CHRDL1: variants seen among roughly 807,000 people sequenced by gnomAD.
CHRDL1 encodes the protein chordin like 1.
A neutral mutation model predicts 40.9 loss-of-function variants in CHRDL1; 19 were observed. The observed-to-expected ratio is 0.46, with a 90% CI of 0.32 to 0.68. CHRDL1 has a LOEUF of 0.68. Ranked by LOEUF, CHRDL1 falls within the 30% of genes least tolerant of loss-of-function variation. The pLI, the probability that CHRDL1 is intolerant of heterozygous loss-of-function variation, is 0.03. For missense variants in CHRDL1, 329 were observed against 352.1 expected, an observed-to-expected ratio of 0.93 and a Z score of 0.53; for synonymous variants, 136 against 123.4, an observed-to-expected ratio of 1.10 and a Z score of -0.68.
chrX:110,766,179 C>T (rs1267445037), intron 2 of CHRDL1, among the ~76,000 whole-genome samples: 2 of 111,513 alleles, frequency 1.8e-5, no homozygotes, highest in African/African-American at 3.3e-5. Context: ...TTATCAAAAT[C>T]TCTGGGATAA....
chrX:110,780,164 T>C (rs1030101367), intron 2 of CHRDL1, among the ~76,000 whole-genome samples: 2 of 110,886 alleles, frequency 1.8e-5, no homozygotes, highest in African/African-American at 6.5e-5. Flanking sequence ...CCAATATGTA[T>C]ACCTTTTATT....
At chrX:110,759,064 C>T (rs2089511773) in intron 4 of CHRDL1, among the ~76,000 whole-genome samples, 2 of 111,773 alleles carry the variant, frequency 1.8e-5, no homozygotes, top group Admixed American at 9.5e-5. Flanking sequence ...AGACAAATAC[C>T]GTAGCTGCAA....
chrX:110,741,263 T>A (rs989655791), intron 4 of CHRDL1, among the ~76,000 whole-genome samples: 24 of 111,909 alleles, frequency 2.1e-4, no homozygotes, highest in Admixed American at 1.7e-3. Context: ...ATCCTTAAAG[T>A]TCTGTTGTTT....
chrX:110,687,847 C>A (rs897269458), intron 9 of CHRDL1, among the ~76,000 whole-genome samples: 5 of 111,209 alleles, frequency 4.5e-5, no homozygotes, highest in African/African-American at 1.6e-4. Flanking sequence ...TTATTTAGCT[C>A]ATGTTTTAAA....
At chrX:110,759,517 T>A (rs963604138) in intron 4 of CHRDL1, 144 bp downstream of exon 4, 1 of 479,365 alleles carries the variant, frequency 2.1e-6, no homozygotes, top group African/African-American at 2.4e-5. Flanking sequence ...AAAAAGTATT[T>A]AGAGGCCAGT....
chrX:110,722,976 C>T (rs767872335), intron 4 of CHRDL1, among the ~76,000 whole-genome samples: 18 of 111,617 alleles, frequency 1.6e-4, no homozygotes, highest in African/African-American at 5.5e-4. Flanking sequence ...ATGGGCCAGG[C>T]GCGGTGGCTC....
chrX:110,752,303 C>T lies in CHRDL1; in HGVS notation c.301+7358G>A, dbSNP rs747850936. On this transcript the variant is annotated intron_variant, in intron 4 of 11. Transcript: ENST00000372042. ...CAGGATGGTCTCAATCTCTTGACTT[C>T]GTGATCTGCCTGCCTCGGCCTCCCA... Among the ~76,000 whole-genome samples the T allele has an allele frequency of 2.7e-5, 3 of 112,369 alleles. No homozygotes were observed. In the South Asian group the frequency reaches 1.1e-3, roughly 42 times the overall value.
At chrX:110,791,006 T>C (rs772594232) in intron 2 of CHRDL1, among the ~76,000 whole-genome samples, 39 of 108,806 alleles carry the variant, frequency 3.6e-4, no homozygotes, top group Non-Finnish European at 6.7e-4. Context: ...ACTATGAAAA[T>C]TGTAGTGGGA....
chrX:110,768,837 T>G (rs2089707156), intron 2 of CHRDL1, among the ~76,000 whole-genome samples: 1 of 111,162 alleles, frequency 9.0e-6, no homozygotes, highest in Admixed American at 9.5e-5. Context: ...ATTACAGGAC[T>G]TCACCTTGTG....
chrX:110,721,319 C>T (rs1264473077), intron 5 of CHRDL1, 66 bp downstream of exon 5: 10 of 1,039,422 alleles, frequency 9.6e-6, no homozygotes, highest in Non-Finnish European at 1.3e-5. Flanking sequence ...AATGAAAGTA[C>T]AAGTACAGAG....
intron 4 of CHRDL1, among the ~76,000 whole-genome samples, chrX:110,724,800 G>A (rs760213371): frequency 5.4e-5 from 6 of 110,981 alleles, no homozygotes; most frequent in Non-Finnish European, 9.4e-5. Flanking sequence ...CTAGGAATGC[G>A]ATATGGACTC....
At chrX:110,780,793 ATTTC>A (rs891956134) in intron 2 of CHRDL1, among the ~76,000 whole-genome samples, 25 of 111,144 alleles carry the variant, frequency 2.2e-4, no homozygotes, top group African/African-American at 7.2e-4. Flanking sequence ...TGGAACCAAT[ATTTC>A]TTTCTTTTTC....
chrX:110,784,288 C>T (rs768827768), intron 2 of CHRDL1, among the ~76,000 whole-genome samples: 7 of 111,917 alleles, frequency 6.3e-5, no homozygotes, highest in South Asian at 7.6e-4. Flanking sequence ...AGCCTGCAGA[C>T]GCCAGAGAAA....
intron 6 of CHRDL1, among the ~76,000 whole-genome samples, chrX:110,709,137 C>T (rs1261163138): frequency 8.9e-6 from 1 of 112,513 alleles, no homozygotes; most frequent in East Asian, 2.8e-4. Flanking sequence ...ACAATAATGC[C>T]TACCTTATAG....
At chrX:110,746,215 G>A (rs1456257568) in intron 4 of CHRDL1, among the ~76,000 whole-genome samples, 2 of 111,027 alleles carry the variant, frequency 1.8e-5, no homozygotes, top group Non-Finnish European at 3.8e-5. Context: ...CCTGCAGTAC[G>A]GACACACTGT....
At chrX:110,678,227 C>T (rs1012981023) in intron 11 of CHRDL1, among the ~76,000 whole-genome samples, 22 of 112,310 alleles carry the variant, frequency 2.0e-4, no homozygotes, top group Non-Finnish European at 3.4e-4. Flanking sequence ...AATCTGGCTT[C>T]GTCAAAGTGT....
chrX:110,769,484 T>C (rs1300996617), intron 2 of CHRDL1, among the ~76,000 whole-genome samples: 2 of 112,612 alleles, frequency 1.8e-5, no homozygotes, highest in Non-Finnish European at 3.7e-5. Flanking sequence ...AAAAACAATC[T>C]AAGTACAGAA....
chrX:110,722,979 G>A (rs970985627), intron 4 of CHRDL1, among the ~76,000 whole-genome samples: 5 of 111,674 alleles, frequency 4.5e-5, no homozygotes, highest in Admixed American at 9.5e-5. Flanking sequence ...GGCCAGGCGC[G>A]GTGGCTCATG....
intron 8 of CHRDL1, among the ~76,000 whole-genome samples, chrX:110,690,787 C>A (rs1173231064): frequency 8.9e-6 from 1 of 111,839 alleles, no homozygotes; most frequent in Non-Finnish European, 1.9e-5. Context: ...CAGTCTCCCA[C>A]CTCATACTGG....
Sources: allele counts gnomAD v4.1 joint callset (sites outside exome capture counted in the v4.1 genomes callset), GRCh38; gene constraint gnomAD v4.1.1; transcripts MANE v1.5; gene names NCBI Gene and HGNC (gene_info 2026-07-23, HGNC 2026-07-21).